The following WHRN variants were observed in gnomAD, a reference collection of about 807,000 sequenced individuals.
WHRN encodes the protein CASK-interacting protein CIP98.
Under a neutral mutation model 68.3 loss-of-function variants are expected in WHRN, and 41 were observed. The ratio of observed to expected loss-of-function variants is 0.60; its 90% CI spans 0.47 to 0.78. The LOEUF is 0.78. Among genes scored for constraint, WHRN ranks in the 30% least tolerant of loss-of-function variants. The probability of loss-of-function intolerance (pLI) is 0.00; values close to 1 mark genes in which losing one functional copy is unlikely to be tolerated. For missense variants in WHRN, 1,243 were observed against 1,244.7 expected (o/e 1.00, Z 0.02); for synonymous variants, 560 against 561.3 (o/e 1.00, Z 0.03).
At chr9:114,489,113 G>A (rs1291476571) in intron 1 of WHRN, among the ~76,000 whole-genome samples, 4 of 152,118 alleles carry the variant, frequency 2.6e-5, no homozygotes, top group Admixed American at 2.0e-4. Flanking sequence ...GTCCCTGAAA[G>A]TACATATCTC....
chr9:114,499,591 C>T (rs181918160), intron 1 of WHRN, among the ~76,000 whole-genome samples: 5 of 152,300 alleles, frequency 3.3e-5, no homozygotes, highest in Admixed American at 6.5e-5. Context: ...ACGCCTGCTT[C>T]GGTGCAAAGC....
intron 3 of WHRN, among the ~76,000 whole-genome samples, chr9:114,451,489 T>G (rs1032681728): frequency 5.3e-5 from 8 of 152,302 alleles, no homozygotes; most frequent in African/African-American, 1.9e-4. Context: ...CATCAATAAA[T>G]AGTTGCTTTT....
chr9:114,439,774 T>C (rs554066161), intron 3 of WHRN, among the ~76,000 whole-genome samples: 2 of 152,162 alleles, frequency 1.3e-5, no homozygotes, highest in Non-Finnish European at 1.5e-5. Flanking sequence ...TTTTGGAGAT[T>C]TGTGACAATT....
At chr9:114,406,964 T>C in intron 8 of WHRN, 72 bp from the exon 9 acceptor site, 1 of 1,524,048 alleles carries the variant, frequency 6.6e-7, no homozygotes, top group Non-Finnish European at 8.9e-7. Context: ...GCCGAGCAGC[T>C]GAGTGGTGCC....
At chr9:114,441,715 A>G (rs867231578) in intron 3 of WHRN, among the ~76,000 whole-genome samples, 1 of 152,242 alleles carries the variant, frequency 6.6e-6, no homozygotes, top group African/African-American at 2.4e-5. Flanking sequence ...GCATGAATCC[A>G]TATTTGTACT....
chr9:114,504,061 A>T lies in WHRN; in HGVS notation c.618+123T>A. 6 of 1,385,390 alleles carry T rather than the reference A, an allele frequency of 4.3e-6. No individual in the cohort carries two copies. In the Admixed American group the frequency reaches 1.4e-4, roughly 33 times the overall value. 85.8% of individuals were successfully genotyped at this position (1,385,390 alleles called of 1,614,324 possible). On this transcript the variant is annotated intron_variant, in intron 1 of 11. Transcript: ENST00000362057. ...TACATTCCTGTTTTAAAGTATTAAA[A>T]AAAAAAAAAAAGCCCAGAAAGGCCA...
chr9:114,403,078 C>G, intron 11 of WHRN, 139 bp downstream of exon 11: 2 of 1,538,702 alleles, frequency 1.3e-6, no homozygotes, highest in Non-Finnish European at 9.0e-7. Flanking sequence ...AGCTGAGGCC[C>G]GGAAGAGCAA....
intron 3 of WHRN, among the ~76,000 whole-genome samples, chr9:114,452,782 C>T (rs995256814): frequency 6.6e-6 from 1 of 152,110 alleles, no homozygotes; most frequent in Non-Finnish European, 1.5e-5. Context: ...GGGCAGATGG[C>T]GGGAATCAGT....
Position 114,402,812 on chromosome 9 carries a change from T to A in WHRN, c.2666A>T (p.Lys889Met), listed in dbSNP as rs370651864. The change falls in exon 12 of 12, where the codon AAG becomes ATG. Residue 889 changes from lysine to methionine, a missense_variant. Coordinates refer to ENST00000362057, the MANE Select transcript of WHRN (RefSeq NM_015404.4). ...EAARIIAEAFKTKDRDYIDFL... is the reference protein window; with the variant it reads ...EAARIIAEAFMTKDRDYIDFL... ...GTCAATGTAGTCACGGTCCTTAGTC[T>A]TGAAGGCCTCGGCGATAATGCGGGC... 2 of 1,614,102 alleles carry A rather than the reference T, an allele frequency of 1.2e-6. No homozygotes were observed. Among genetic ancestry groups the A allele is most frequent in the African/African-American group, 1.3e-5 (1 of 75,060 alleles).
intron 11 of WHRN, 121 bp downstream of exon 11, chr9:114,403,096 A>T: frequency 6.4e-7 from 1 of 1,554,340 alleles, no homozygotes; most frequent in Non-Finnish European, 8.9e-7. Context: ...CAAAGGTGAC[A>T]TAAGCCTAGG....
intron 7 of WHRN, among the ~76,000 whole-genome samples, chr9:114,412,609 G>A (rs945776649): frequency 2.6e-5 from 4 of 152,240 alleles, no homozygotes; most frequent in African/African-American, 9.6e-5. Flanking sequence ...TAAGAGCCAA[G>A]ATGACCTGCT....
rs571286027 is a variant in WHRN at position 114,445,595 on chromosome 9, C to A, written c.964-19182G>T. On this transcript the variant is annotated intron_variant, in intron 3 of 11. Coordinates refer to ENST00000362057, the MANE Select transcript of WHRN (RefSeq NM_015404.4). Reference sequence around the variant, plus strand: ...GGGAGACAAGCCATAGCACAGGCCACCATCATCTCTCCCACCTTCTCTAAC... The same window carrying A: ...GGGAGACAAGCCATAGCACAGGCCAACATCATCTCTCCCACCTTCTCTAAC... Among the ~76,000 whole-genome samples the A allele has an allele frequency of 1.8e-3, 275 of 152,302 alleles. 1 individual carries two copies. Among genetic ancestry groups the A allele is most frequent in the African/African-American group, 6.5e-3 (270 of 41,550 alleles).
At position 114,403,310 on chromosome 9, in the gene WHRN, C is replaced by T. The variant is rs1834802444; in HGVS notation, c.2448G>A (p.Leu816=). 1 of 1,614,090 alleles carries T rather than the reference C, an allele frequency of 6.2e-7. No individual in the cohort carries two copies. Among genetic ancestry groups the T allele is most frequent in the Admixed American group, 1.7e-5 (1 of 60,020 alleles). ...TGGCCGCACTTTTCTTCACACGGACCAGAGTGGACGTGGGCTCCAGAAGTC... is the reference window on the plus strand; with the variant it reads ...TGGCCGCACTTTTCTTCACACGGACTAGAGTGGACGTGGGCTCCAGAAGTC... ...PPGLLEPTST[L]VRVKKSAATL... is the part of the protein sequence containing the mutation. Residue 816 remains leucine (L), a synonymous_variant, in exon 11 of 12, where the codon CTG becomes CTA. Transcript: ENST00000362057.
In WHRN at chr9:114,501,997, C is replaced by T. The variant is rs535171650; in HGVS notation, c.618+2187G>A. 9.2e-5 allele frequency among the ~76,000 whole-genome samples: 14 copies of T among 152,310 alleles called. No homozygotes were observed. The South Asian group carries it at 2.9e-3, about 32-fold the overall frequency. ...CTTTTAAACTGTCCCTGAAACTACA[C>T]GAGGAGTGCCATGGCCTCAGGGAAG... On this transcript the variant is annotated intron_variant, in intron 1 of 11. Coordinates refer to ENST00000362057, the MANE Select transcript of WHRN (RefSeq NM_015404.4).
chr9:114,476,036 C>T lies in WHRN; in HGVS notation c.837+2517G>A, dbSNP rs1841620849. Among the ~76,000 whole-genome samples the T allele has an allele frequency of 2.6e-5, 4 of 152,274 alleles. No individual in the cohort carries two copies. In the South Asian group the frequency reaches 8.3e-4, roughly 32 times the overall value. The stretch of plus-strand genomic sequence containing the variant: ...CTAGAGTACAATGGGGCAATCACAG[C>T]TCACTGAAGCCTGAATCTCCTGGGC... On this transcript the variant is annotated intron_variant, in intron 2 of 11. Transcript: ENST00000362057.
chr9:114,443,347 C>T (rs558933915), intron 3 of WHRN, among the ~76,000 whole-genome samples: 90 of 152,342 alleles, frequency 5.9e-4, no homozygotes, highest in South Asian at 1.4e-3. Flanking sequence ...AAGATGTCAG[C>T]AGGACAGAGT....
intron 2 of WHRN, among the ~76,000 whole-genome samples, chr9:114,474,905 A>C (rs557069528): frequency 6.6e-6 from 1 of 152,254 alleles, no homozygotes; most frequent in South Asian, 2.1e-4. Flanking sequence ...CATGTTGCTA[A>C]GGCATCACAT....
intron 2 of WHRN, among the ~76,000 whole-genome samples, chr9:114,470,944 G>A (rs1589214805): frequency 6.6e-6 from 1 of 152,138 alleles, no homozygotes; most frequent in East Asian, 1.9e-4. Context: ...CATGTCTGCA[G>A]CAGCCCACTC....
intron 3 of WHRN, among the ~76,000 whole-genome samples, chr9:114,452,545 C>T (rs747399289): frequency 5.9e-5 from 9 of 152,238 alleles, no homozygotes; most frequent in African/African-American, 9.6e-5. Context: ...GCACTATCTC[C>T]TTTGCATCCT....
Sources: gnomAD v4.1 joint callset for allele counts (sites outside exome capture counted in the v4.1 genomes callset) on GRCh38, gnomAD v4.1.1 for gene constraint, MANE v1.5 for transcripts, NCBI Gene and HGNC (gene_info 2026-07-23, HGNC 2026-07-21) for gene names.